The following ATP6V1H variants were observed in gnomAD, a reference collection of about 807,000 sequenced individuals.
ATP6V1H encodes the protein ATPase H+ transporting V1 subunit H.
In ATP6V1H, 39 loss-of-function variants were observed where a neutral mutation model predicts 71.7. The observed-to-expected ratio is 0.54, with a 90% CI of 0.42 to 0.71. The LOEUF is 0.71. Ranked by LOEUF, ATP6V1H falls within the 30% of genes least tolerant of loss-of-function variation. ATP6V1H has a pLI of 0.00. For missense variants in ATP6V1H, 509 were observed against 594.9 expected, an observed-to-expected ratio of 0.86 and a Z score of 1.50; for synonymous variants, 192 against 199.3, an observed-to-expected ratio of 0.96 and a Z score of 0.31.
intron 12 of ATP6V1H, among the ~76,000 whole-genome samples, chr8:53,749,290 AC>A (rs1465008011): frequency 1.3e-5 from 2 of 152,256 alleles, no homozygotes; most frequent in Non-Finnish European, 2.9e-5. Context: ...GTTACAAGTA[AC>A]AAAAACTTTA....
At chr8:53,782,160 T>TGGG (rs1809167612) in intron 9 of ATP6V1H, among the ~76,000 whole-genome samples, 1 of 152,188 alleles carries the variant, frequency 6.6e-6, no homozygotes, top group East Asian at 1.9e-4. Context: ...ATATTGATTC[T>TGGG]TCCTACCCAT....
intron 4 of ATP6V1H, 92 bp from the exon 5 acceptor site, chr8:53,817,622 T>G (rs1810493672): frequency 4.0e-6 from 3 of 755,882 alleles, no homozygotes; most frequent in Admixed American, 2.4e-5. Context: ...CCCATCAGTC[T>G]GTGTTCTTTT....
intron 13 of ATP6V1H, chr8:53,739,520 A>G (rs931252037): frequency 6.6e-6 from 1 of 152,196 alleles, no homozygotes; most frequent in African/African-American, 2.4e-5. Flanking sequence ...TAGAGACAAA[A>G]ATGAAAAATT....
At chr8:53,789,688 TTAAA>T (rs1302926555) in intron 9 of ATP6V1H, among the ~76,000 whole-genome samples, 1 of 152,172 alleles carries the variant, frequency 6.6e-6, no homozygotes, top group Non-Finnish European at 1.5e-5. Flanking sequence ...CTATTTCACC[TTAAA>T]TAGACAAGTT....
chr8:53,748,362 G>A (rs958874213), intron 12 of ATP6V1H, among the ~76,000 whole-genome samples: 2 of 152,210 alleles, frequency 1.3e-5, no homozygotes, highest in African/African-American at 4.8e-5. Context: ...TACTGCCAGG[G>A]GGACTCTGAA....
intron 12 of ATP6V1H, among the ~76,000 whole-genome samples, chr8:53,753,710 T>C (rs975353421): frequency 6.6e-6 from 1 of 152,250 alleles, no homozygotes; most frequent in Non-Finnish European, 1.5e-5. Flanking sequence ...AAATGAGTTA[T>C]AGACCTTGAC....
intron 3 of ATP6V1H, among the ~76,000 whole-genome samples, chr8:53,830,653 C>T (rs1010896505): frequency 2.6e-5 from 4 of 152,096 alleles, no homozygotes; most frequent in African/African-American, 9.7e-5. Flanking sequence ...CTGGCAACTG[C>T]CCCATAAAAG....
At chr8:53,719,818 C>A (rs529295962) in intron 13 of ATP6V1H, among the ~76,000 whole-genome samples, 43 of 152,318 alleles carry the variant, frequency 2.8e-4, no homozygotes, top group African/African-American at 8.7e-4. Flanking sequence ...CTACTCAGGG[C>A]TCTGGTCCTA....
intron 12 of ATP6V1H, among the ~76,000 whole-genome samples, chr8:53,752,959 G>A (rs542287085): frequency 6.6e-6 from 1 of 151,418 alleles, no homozygotes; most frequent in Non-Finnish European, 1.5e-5. Context: ...AAATGTTTGA[G>A]TATTATGATT....
chr8:53,742,691 A>G (rs2130182237), intron 13 of ATP6V1H, among the ~76,000 whole-genome samples: 1 of 152,320 alleles, frequency 6.6e-6, no homozygotes, highest in East Asian at 1.9e-4. Context: ...TATGTAACAC[A>G]TGATACCACA....
intron 13 of ATP6V1H, among the ~76,000 whole-genome samples, chr8:53,729,024 T>C (rs113966702): frequency 1.3e-4 from 20 of 152,176 alleles, no homozygotes; most frequent in African/African-American, 4.3e-4. Flanking sequence ...TAATAATTAA[T>C]ACAATTAGTC....
intron 12 of ATP6V1H, among the ~76,000 whole-genome samples, chr8:53,749,444 C>T (rs934659228): frequency 6.6e-6 from 1 of 152,228 alleles, no homozygotes; most frequent in African/African-American, 2.4e-5. Flanking sequence ...TGTTTCAGCT[C>T]GGCCCTTGAC....
intron 13 of ATP6V1H, among the ~76,000 whole-genome samples, chr8:53,725,544 G>A (rs748400440): frequency 6.8e-6 from 1 of 148,146 alleles, no homozygotes; most frequent in Non-Finnish European, 1.5e-5. Context: ...CAGCTAATCT[G>A]TCATCTAGGA....
At chr8:53,796,265 A>G (rs1008624586) in intron 8 of ATP6V1H, among the ~76,000 whole-genome samples, 2 of 152,222 alleles carry the variant, frequency 1.3e-5, no homozygotes, top group Non-Finnish European at 2.9e-5. Context: ...TGATGGGTTC[A>G]AATTTGACAT....
At chr8:53,778,413 T>C (rs750041289) in intron 9 of ATP6V1H, among the ~76,000 whole-genome samples, 1 of 152,206 alleles carries the variant, frequency 6.6e-6, no homozygotes, top group Non-Finnish European at 1.5e-5. Flanking sequence ...TACTGAATTG[T>C]ACAACATTAG....
intron 8 of ATP6V1H, among the ~76,000 whole-genome samples, chr8:53,799,521 G>C (rs975254906): frequency 6.6e-6 from 1 of 152,194 alleles, no homozygotes; most frequent in Non-Finnish European, 1.5e-5. Context: ...GCCTCAGAAA[G>C]ACGTGCTTAC....
intron 4 of ATP6V1H, among the ~76,000 whole-genome samples, chr8:53,824,470 C>T (rs916574008): frequency 2.6e-5 from 4 of 152,050 alleles, no homozygotes; most frequent in African/African-American, 9.7e-5. Context: ...AGGCAAAAAT[C>T]CTACATAACA....
At chr8:53,742,320 G>A (rs1807442581) in intron 13 of ATP6V1H, among the ~76,000 whole-genome samples, 1 of 150,704 alleles carries the variant, frequency 6.6e-6, no homozygotes, top group East Asian at 1.9e-4. Context: ...CTCCACCCCT[G>A]AGTGTCACAA....
In ATP6V1H at chr8:53,811,192, A is replaced by C; in HGVS notation, c.551T>G (p.Val184Gly). The change falls in exon 7 of 14, where the codon GTT (valine) becomes GGT (glycine). Residue 184 changes from valine (V) to glycine (G), a missense_variant. By Grantham distance (109) the Val-to-Gly change is moderately radical. This residue lies in a region of ATP6V1H where 297 missense variants were observed against 303.3 expected (regional missense o/e 0.98). Transcript: ENST00000359530. Reference protein sequence around the residue: ...SQKLRGSGVAVETGTVSSSDS... With the variant: ...SQKLRGSGVAGETGTVSSSDS... ...ACTTGAAGAGACTGTTCCTGTTTCAACAGCAACACCGCTACCACGCAGTTT... is the reference window on the plus strand; with the variant it reads ...ACTTGAAGAGACTGTTCCTGTTTCACCAGCAACACCGCTACCACGCAGTTT... 7.4e-6 allele frequency: 12 copies of C among 1,613,576 alleles called. No individual in the cohort carries two copies. The highest frequency in any genetic ancestry group is 1.0e-5 in the Non-Finnish European group (12 of 1,179,662).
Sources: allele counts gnomAD v4.1 joint callset (sites outside exome capture counted in the v4.1 genomes callset), GRCh38; gene constraint gnomAD v4.1.1; regional missense constraint gnomAD v4.1.1; transcripts MANE v1.5; gene names NCBI Gene and HGNC (gene_info 2026-07-23, HGNC 2026-07-21).